CCDC178: variants seen among roughly 807,000 people sequenced by gnomAD.
CCDC178 encodes the protein coiled-coil domain containing 178.
Under a neutral mutation model 117.4 loss-of-function variants are expected in CCDC178, and 126 were observed. The observed-to-expected ratio is 1.07, with a 90% CI of 0.93 to 1.24. The LOEUF is 1.24. Ranked by LOEUF, CCDC178 falls within the 50% of genes most tolerant of loss-of-function variation. The probability of loss-of-function intolerance (pLI) is 0.00; values close to 1 mark genes in which losing one functional copy is unlikely to be tolerated. For missense variants in CCDC178, 1,030 were observed against 986.9 expected (o/e 1.04, Z -0.59); for synonymous variants, 283 against 313.4 (o/e 0.90, Z 1.02).
intron 21 of CCDC178, among the ~76,000 whole-genome samples, chr18:33,065,954 C>T (rs1030937641): frequency 5.3e-5 from 8 of 151,288 alleles, no homozygotes; most frequent in Admixed American, 2.0e-4. Context: ...CTCTGCCTCC[C>T]GGGTTCACGC....
chr18:33,144,524 T>G (rs1192992840), intron 20 of CCDC178, among the ~76,000 whole-genome samples: 2 of 152,074 alleles, frequency 1.3e-5, no homozygotes, highest in African/African-American at 2.4e-5. Flanking sequence ...TAGGTGAGTT[T>G]CTCTTTTTTC....
chr18:33,253,896 T>C (rs765265248), intron 14 of CCDC178, among the ~76,000 whole-genome samples: 49 of 151,894 alleles, frequency 3.2e-4, no homozygotes, highest in Admixed American at 9.9e-4. Flanking sequence ...ATCATCAAAG[T>C]TGTAATCAAG....
At position 33,037,076 on chromosome 18, in the gene CCDC178, T is replaced by A. The variant is rs544614578; in HGVS notation, c.2388+55685A>T. On this transcript the variant is annotated intron_variant, in intron 21 of 22. Coordinates refer to ENST00000383096, the MANE Select transcript of CCDC178 (RefSeq NM_001105528.4). ...TCTTCAGGAACCAAGGCAATGTCAA[T>A]ATAATGATAAATAGCACCTTAATCC... is the stretch of plus-strand genomic sequence containing the variant. 8.6e-5 allele frequency among the ~76,000 whole-genome samples: 13 copies of A among 151,994 alleles called. No homozygotes were observed. In the South Asian group the frequency reaches 1.0e-3, roughly 12 times the overall value.
chr18:33,227,812 A>G (rs971318085), intron 15 of CCDC178, among the ~76,000 whole-genome samples: 2 of 152,060 alleles, frequency 1.3e-5, no homozygotes, highest in East Asian at 3.9e-4. Context: ...GGAAACATGA[A>G]GGTGGTAAAT....
intron 2 of CCDC178, among the ~76,000 whole-genome samples, chr18:33,421,537 T>C (rs2064024610): frequency 6.6e-6 from 1 of 152,198 alleles, no homozygotes; most frequent in Non-Finnish European, 1.5e-5. Context: ...AATCAGCAAA[T>C]GCTACAAATC....
At chr18:33,015,898 G>A (rs1217664718) in intron 21 of CCDC178, among the ~76,000 whole-genome samples, 1 of 152,108 alleles carries the variant, frequency 6.6e-6, no homozygotes, top group African/African-American at 2.4e-5. Context: ...ACTTTTAGTG[G>A]CATAGGATAG....
At chr18:33,294,488 A>G (rs1386614076) in intron 11 of CCDC178, among the ~76,000 whole-genome samples, 2 of 152,206 alleles carry the variant, frequency 1.3e-5, no homozygotes, top group African/African-American at 4.8e-5. Context: ...CAATAAATAT[A>G]TGGTGTGCTT....
Position 33,333,247 on chromosome 18 carries a change from T to C in CCDC178, c.806A>G (p.His269Arg). The C allele has an allele frequency of 1.9e-6, 3 of 1,613,188 alleles. No homozygotes were observed. Among genetic ancestry groups the C allele is most frequent in the East Asian group, 4.5e-5 (2 of 44,744 alleles). ...CTGCTTAGAGTCCAGTAGAGGGCCA[T>C]GTTCATTCATGTAGTCTATGTCTGC... The part of the protein sequence containing the change: ...IQADIDYMNE[H>R]GPLLDSKQNQ... The change falls in exon 10 of 23, where the codon CAT becomes CGT. Residue 269 changes from histidine to arginine, a missense_variant. His to Arg is a conservative substitution (Grantham distance 29). Coordinates refer to ENST00000383096, the MANE Select transcript of CCDC178 (RefSeq NM_001105528.4).
chr18:33,133,494 G>A (rs979619867), intron 20 of CCDC178, among the ~76,000 whole-genome samples: 1 of 151,798 alleles, frequency 6.6e-6, no homozygotes, highest in Non-Finnish European at 1.5e-5. Flanking sequence ...TGATATATGC[G>A]TTAACCTTTT....
Position 33,266,935 on chromosome 18 carries a change from T to C in CCDC178, c.1390A>G (p.Thr464Ala). The change falls in exon 14 of 23, where the codon ACA (threonine) becomes GCA (alanine). Residue 464 changes from threonine to alanine, a missense_variant. Physicochemically the swap from Thr to Ala is moderately conservative, Grantham distance 58. Transcript: ENST00000383096. ...ATTTACCTTTCATTGGTTTTTACTG[T>C]TATTTTGTTAATATCAATCTCAAGT... is the stretch of plus-strand genomic sequence containing the variant. ...KKLEIDINKI[T>A]VKTNESIRKK... 1 of 1,579,994 alleles carries C rather than the reference T, an allele frequency of 6.3e-7. No homozygotes were observed. The highest frequency in any genetic ancestry group is 8.6e-7 in the Non-Finnish European group (1 of 1,167,148).
At chr18:33,265,222 A>C (rs924937146) in intron 14 of CCDC178, among the ~76,000 whole-genome samples, 2 of 152,064 alleles carry the variant, frequency 1.3e-5, no homozygotes, top group Non-Finnish European at 2.9e-5. Context: ...TACAATAATC[A>C]AGTATCATGG....
At chr18:33,340,799 A>G (rs2062807406) in intron 9 of CCDC178, among the ~76,000 whole-genome samples, 1 of 152,180 alleles carries the variant, frequency 6.6e-6, no homozygotes, top group Non-Finnish European at 1.5e-5. Flanking sequence ...TAAATTTCAG[A>G]TGTATGGAAA....
intron 6 of CCDC178, among the ~76,000 whole-genome samples, chr18:33,365,246 G>A (rs1425403201): frequency 1.3e-5 from 2 of 152,070 alleles, no homozygotes; most frequent in Non-Finnish European, 2.9e-5. Flanking sequence ...TTAAATGTTA[G>A]GTTTCAGAGT....
At chr18:33,200,122 T>A (rs1016062776) in intron 20 of CCDC178, among the ~76,000 whole-genome samples, 5 of 152,230 alleles carry the variant, frequency 3.3e-5, no homozygotes, top group African/African-American at 1.2e-4. Context: ...TATAGCTTCA[T>A]CAAATATCGT....
intron 20 of CCDC178, among the ~76,000 whole-genome samples, chr18:33,200,234 A>G (rs2058976729): frequency 1.3e-5 from 2 of 152,230 alleles, no homozygotes; most frequent in African/African-American, 4.8e-5. Flanking sequence ...CACTGGGGTA[A>G]TGGGACAAGG....
intron 21 of CCDC178, among the ~76,000 whole-genome samples, chr18:33,044,113 T>C (rs555231665): frequency 9.2e-4 from 139 of 151,582 alleles, no homozygotes; most frequent in African/African-American, 3.1e-3. Flanking sequence ...GTATAAAACT[T>C]GGGAAAATAA....
intron 21 of CCDC178, among the ~76,000 whole-genome samples, chr18:33,079,098 A>G (rs1428899215): frequency 1.3e-5 from 2 of 152,168 alleles, no homozygotes; most frequent in Non-Finnish European, 2.9e-5. Flanking sequence ...AATAGAACAG[A>G]ACAGAGAGCC....
chr18:33,311,817 T>C (rs1471546307), intron 11 of CCDC178, among the ~76,000 whole-genome samples: 1 of 152,122 alleles, frequency 6.6e-6, no homozygotes, highest in African/African-American at 2.4e-5. Flanking sequence ...AGACTGTTGA[T>C]TTCTTGGTTG....
chr18:33,323,598 A>G lies in CCDC178; in HGVS notation c.915T>C (p.Leu305=). The G allele has an allele frequency of 6.4e-7, 1 of 1,554,234 alleles. No individual in the cohort carries two copies. The change falls in exon 11 of 23, where the codon CTT becomes CTC. Residue 305 remains leucine (L), a synonymous_variant. Coordinates refer to ENST00000383096, the MANE Select transcript of CCDC178 (RefSeq NM_001105528.4). The part of the protein sequence containing the change: ...MDLHRKVNEE[L]EEALEACENA... ...TTTCACAGGCTTCTAAAGCTTCTTCAAGTTCTTCATTAACTTTTCTGTGTA... is the reference window on the plus strand; with the variant it reads ...TTTCACAGGCTTCTAAAGCTTCTTCGAGTTCTTCATTAACTTTTCTGTGTA...
Sources: allele counts gnomAD v4.1 joint callset (sites outside exome capture counted in the v4.1 genomes callset), GRCh38; gene constraint gnomAD v4.1.1; transcripts MANE v1.5; gene names NCBI Gene and HGNC (gene_info 2026-07-23, HGNC 2026-07-21).